The following SRPK2 variants were observed in gnomAD, a reference collection of about 807,000 sequenced individuals.
The protein encoded by SRPK2 is SFRS protein kinase 2.
A neutral mutation model predicts 90.8 loss-of-function variants in SRPK2; 21 were observed. The observed-to-expected ratio is 0.23, with a 90% CI of 0.16 to 0.33. SRPK2 has a LOEUF of 0.33. Ranked by LOEUF, SRPK2 falls within the 10% of genes least tolerant of loss-of-function variation. SRPK2 has a pLI of 1.00. For synonymous variants in SRPK2, 288 were observed against 311.1 expected (o/e 0.93, Z 0.78); for missense variants, 620 against 869.0 (o/e 0.71, Z 3.60).
Position 105,157,826 on chromosome 7 carries a change from G to A in SRPK2, c.621+2681C>T, listed in dbSNP as rs1373213011. ...TGTGGTATAATCCTAGCAACTTTGG[G>A]AGGCTGAGATGGGAAGACTGCTTGA... On this transcript the variant is annotated intron_variant, in intron 7 of 15. Transcript: ENST00000393651. Among the ~76,000 whole-genome samples, 7 of 152,306 alleles carry A rather than the reference G, an allele frequency of 4.6e-5. No homozygotes were observed. In the East Asian group the frequency reaches 7.7e-4, roughly 17 times the overall value.
chr7:105,159,493 G>C (rs1243165257), intron 7 of SRPK2, among the ~76,000 whole-genome samples: 1 of 108,768 alleles, frequency 9.2e-6, no homozygotes, highest in Admixed American at 9.7e-5. Flanking sequence ...AGGAAGAAGA[G>C]ATGAACACAC....
intron 3 of SRPK2, among the ~76,000 whole-genome samples, chr7:105,199,804 C>G (rs772784155): frequency 3.7e-4 from 56 of 151,704 alleles, no homozygotes; most frequent in Admixed American, 7.9e-4. Context: ...GTTTGTGTTC[C>G]TAGCTCTGTA....
At chr7:105,324,047 A>T (rs1332381979) in intron 2 of SRPK2, among the ~76,000 whole-genome samples, 1 of 148,178 alleles carries the variant, frequency 6.7e-6, no homozygotes, top group Non-Finnish European at 1.5e-5. Context: ...CCCGGGCTGG[A>T]GTGCAATGGC....
At position 105,142,201 on chromosome 7, in the gene SRPK2, T is replaced by C. The variant is rs56003957; in HGVS notation, c.1350A>G (p.Pro450=). Residue 450 remains proline (P), a synonymous_variant, in exon 11 of 16, where the codon CCA becomes CCG. Coordinates refer to ENST00000393651, the MANE Select transcript of SRPK2 (RefSeq NM_182692.3). ...ACTCGGGAATTTTATGTCGTCCATT[T>C]GGCAATTCACCATTGAATTGTTCAT... The part of the protein sequence containing the change: ...SSYEQFNGEL[P]NGRHKIPESQ... 5.9e-3 allele frequency: 9,568 copies of C among 1,614,098 alleles called. 48 individuals are homozygous for C. The highest frequency in any genetic ancestry group is 0.011 in the South Asian group (1,008 of 91,080).
intron 2 of SRPK2, among the ~76,000 whole-genome samples, chr7:105,329,529 G>A (rs973690361): frequency 3.3e-5 from 5 of 151,738 alleles, no homozygotes; most frequent in Non-Finnish European, 5.9e-5. Context: ...GGGAGGTGGA[G>A]GCTGCAGTGA....
chr7:105,393,254 C>T (rs1822229573), upstream of SRPK2, among the ~76,000 whole-genome samples: 1 of 150,168 alleles, frequency 6.7e-6, no homozygotes, highest in African/African-American at 2.5e-5. Context: ...CCTCAGCCTC[C>T]CAAAGTGTTG....
At chr7:105,131,657 C>T (rs1802021457) in intron 13 of SRPK2, among the ~76,000 whole-genome samples, 1 of 152,124 alleles carries the variant, frequency 6.6e-6, no homozygotes, top group Non-Finnish European at 1.5e-5. Flanking sequence ...CTCAACAATG[C>T]TTTTACTTGA....
chr7:105,177,324 A>G (rs1422275408), intron 3 of SRPK2, among the ~76,000 whole-genome samples: 1 of 152,166 alleles, frequency 6.6e-6, no homozygotes, highest in Non-Finnish European at 1.5e-5. Context: ...TATGCAACCA[A>G]TCTTTTTACT....
rs371135012 is a variant in SRPK2 at position 105,196,049 on chromosome 7, C to A, written c.229+7579G>T. Among the ~76,000 whole-genome samples, 18 of 152,332 alleles carry A rather than the reference C, an allele frequency of 1.2e-4. No individual in the cohort carries two copies. In the East Asian group the frequency reaches 3.5e-3, roughly 29 times the overall value. On this transcript the variant is annotated intron_variant, in intron 3 of 15. Transcript: ENST00000393651. Reference sequence around the variant, plus strand: ...CCTCAATGAATAAACCATGAACTCACCTGTCATGCTATTTAAAGCTTGTAT... The same window carrying A: ...CCTCAATGAATAAACCATGAACTCAACTGTCATGCTATTTAAAGCTTGTAT...
chr7:105,132,658 C>T, intron 13 of SRPK2, 133 bp downstream of exon 13: 1 of 684,642 alleles, frequency 1.5e-6, no homozygotes, highest in African/African-American at 1.8e-5. Context: ...ACCTTCCCCT[C>T]ACCCAGCCCA....
chr7:105,338,231 T>C (rs187371417), intron 2 of SRPK2, among the ~76,000 whole-genome samples: 171 of 152,134 alleles, frequency 1.1e-3, no homozygotes, highest in African/African-American at 2.4e-3. Flanking sequence ...TTAGTAAAAA[T>C]TGTTACAAGT....
At chr7:105,212,703 G>A (rs541349543) in intron 2 of SRPK2, among the ~76,000 whole-genome samples, 2 of 152,160 alleles carry the variant, frequency 1.3e-5, no homozygotes, top group Non-Finnish European at 2.9e-5. Flanking sequence ...CAGGTAGAAA[G>A]GATAAAAGCA....
At chr7:105,392,009 A>AT (rs1184360876), upstream of SRPK2, among the ~76,000 whole-genome samples, 1 of 152,180 alleles carries the variant, frequency 6.6e-6, no homozygotes, top group Non-Finnish European at 1.5e-5. Flanking sequence ...ACACTGGAAT[A>AT]TTTTTTTGGC....
At chr7:105,139,181 C>T (rs1803327034) in intron 11 of SRPK2, among the ~76,000 whole-genome samples, 1 of 152,142 alleles carries the variant, frequency 6.6e-6, no homozygotes, top group Non-Finnish European at 1.5e-5. Context: ...GGGGAATACA[C>T]TGATCGGGTG....
chr7:105,166,013 G>C (rs1375108035), intron 6 of SRPK2, among the ~76,000 whole-genome samples: 3 of 152,040 alleles, frequency 2.0e-5, no homozygotes, highest in Admixed American at 6.6e-5. Context: ...CTTCATTCTT[G>C]AAGTCAGTGA....
At chr7:105,226,431 C>T (rs563458281) in intron 2 of SRPK2, among the ~76,000 whole-genome samples, 1 of 152,188 alleles carries the variant, frequency 6.6e-6, no homozygotes, top group African/African-American at 2.4e-5. Flanking sequence ...GCTGGGATTA[C>T]AGGTGCGCGC....
At chr7:105,319,504 C>CGGGGG (rs796955446) in intron 2 of SRPK2, among the ~76,000 whole-genome samples, 18 of 5,300 alleles carry the variant, frequency 3.4e-3, no homozygotes, top group Non-Finnish European at 0.013. Context: ...GCACTTGCGG[C>CGGGGG]GGGGGGGGGG....
At chr7:105,273,843 T>C (rs1221030338) in intron 2 of SRPK2, among the ~76,000 whole-genome samples, 1 of 152,238 alleles carries the variant, frequency 6.6e-6, no homozygotes, top group Non-Finnish European at 1.5e-5. Context: ...TTACAGTCAA[T>C]CTAATGTTAG....
At chr7:105,177,378 T>C (rs1792108601) in intron 3 of SRPK2, among the ~76,000 whole-genome samples, 1 of 152,180 alleles carries the variant, frequency 6.6e-6, no homozygotes, top group East Asian at 1.9e-4. Context: ...TGTGATACAA[T>C]GTAAGGACAC....
Sources: allele counts gnomAD v4.1 joint callset (sites outside exome capture counted in the v4.1 genomes callset), GRCh38; gene constraint gnomAD v4.1.1; transcripts MANE v1.5; gene names NCBI Gene and HGNC (gene_info 2026-07-23, HGNC 2026-07-21).